The following IFT74 variants were observed in gnomAD, a reference collection of about 807,000 sequenced individuals.
The protein encoded by IFT74 is intraflagellar transport 74, also known as intraflagellar transport protein 74 homolog.
Under a neutral mutation model 96.7 loss-of-function variants are expected in IFT74, and 92 were observed. That is an observed-to-expected ratio of 0.95 (90% CI 0.80 to 1.13). IFT74 has a LOEUF of 1.13. Among genes scored for constraint, IFT74 ranks in the 50% most tolerant of loss-of-function variants. The pLI is 0.00. For missense variants in IFT74, 811 were observed against 698.2 expected, an observed-to-expected ratio of 1.16 and a Z score of -1.82; for synonymous variants, 223 against 213.2, an observed-to-expected ratio of 1.05 and a Z score of -0.40.
At chr9:27,020,962 C>T (rs1829572187) in intron 12 of IFT74, among the ~76,000 whole-genome samples, 2 of 152,120 alleles carry the variant, frequency 1.3e-5, no homozygotes, top group African/African-American at 4.8e-5. Flanking sequence ...TCCATTGTAT[C>T]ATTCTTATGC....
Position 26,948,448 on chromosome 9 carries a change from A to ATTTTTTTTTTTTT in IFT74, c.-20+1330_-20+1342dup, listed in dbSNP as rs71841244. On this transcript the variant is annotated intron_variant, in intron 1 of 19. Coordinates refer to the IFT74 transcript ENST00000433700. ...TGACAACCTGTGATGGCTTTCCATT[A>ATTTTTTTTTTTTT]TTTTTTTTTTTTTTTTTTTTTTTTT... is the stretch of plus-strand genomic sequence containing the variant. Among the ~76,000 whole-genome samples, 74 of 59,150 alleles carry ATTTTTTTTTTTTT rather than the reference A, an allele frequency of 1.3e-3. 13 individuals are homozygous for ATTTTTTTTTTTTT. Among genetic ancestry groups the ATTTTTTTTTTTTT allele is most frequent in the Non-Finnish European group, 2.0e-3 (51 of 26,072 alleles). The allele number at this position is 59,150 out of a possible 152,430, so 38.8% of individuals were successfully genotyped here. A position where few individuals can be genotyped will look rare whatever the true frequency, so the allele number is the denominator to read the frequency against.
intron 3 of IFT74, 36 bp from the exon 4 acceptor site, chr9:26,980,535 G>T (rs1310885062): frequency 2.1e-6 from 3 of 1,403,586 alleles, no homozygotes; most frequent in Middle Eastern, 1.8e-4. Flanking sequence ...GTGGCATTTC[G>T]AACTGAACAC....
chr9:27,018,816 G>T (rs1405126542), intron 12 of IFT74, 129 bp downstream of exon 12: 1 of 478,234 alleles, frequency 2.1e-6, no homozygotes, highest in Non-Finnish European at 3.8e-6. Context: ...GAGTGTTTAA[G>T]AGCCATTGCA....
At chr9:26,994,148 G>T (rs1432001894) in intron 8 of IFT74, 1 of 152,108 alleles carries the variant, frequency 6.6e-6, no homozygotes, top group Non-Finnish European at 1.5e-5. Flanking sequence ...TGAAAGAATG[G>T]GTTTTGTTGT....
intron 8 of IFT74, among the ~76,000 whole-genome samples, chr9:26,997,312 C>G (rs1294744613): frequency 6.7e-6 from 1 of 148,398 alleles, no homozygotes. Flanking sequence ...TTTGCTTAAA[C>G]AGAAATTGTT....
intron 1 of IFT74, among the ~76,000 whole-genome samples, chr9:26,960,914 A>G (rs1239847762): frequency 6.6e-6 from 1 of 151,554 alleles, no homozygotes; most frequent in Non-Finnish European, 1.5e-5. Context: ...TAGTATCTAG[A>G]TGGAAGTCAT....
intron 13 of IFT74, among the ~76,000 whole-genome samples, chr9:27,029,813 C>T (rs191040926): frequency 1.4e-3 from 220 of 152,120 alleles, no homozygotes; most frequent in African/African-American, 5.0e-3. Flanking sequence ...TAACTGGTAG[C>T]GTTAGAGGGG....
intron 8 of IFT74, among the ~76,000 whole-genome samples, chr9:27,000,288 G>A (rs1456714116): frequency 2.0e-5 from 3 of 152,070 alleles, no homozygotes; most frequent in Non-Finnish European, 4.4e-5. Context: ...CAATTTAAGT[G>A]GTTGTAAATT....
intron 13 of IFT74, among the ~76,000 whole-genome samples, chr9:27,033,155 CT>C (rs1830200377): frequency 6.6e-6 from 1 of 152,082 alleles, no homozygotes; most frequent in Non-Finnish European, 1.5e-5. Flanking sequence ...GAGCTTGAGT[CT>C]TTTCATTTAA....
At chr9:27,007,472 A>G (rs908581814) in intron 8 of IFT74, among the ~76,000 whole-genome samples, 4 of 152,216 alleles carry the variant, frequency 2.6e-5, no homozygotes, top group Admixed American at 2.0e-4. Flanking sequence ...TCATATACCT[A>G]TACAAATTGT....
intron 8 of IFT74, among the ~76,000 whole-genome samples, chr9:27,000,406 A>G (rs903332893): frequency 6.6e-6 from 1 of 152,168 alleles, no homozygotes; most frequent in Non-Finnish European, 1.5e-5. Flanking sequence ...AATTTTAGGC[A>G]TTATCTATTG....
In IFT74 at chr9:27,064,572, A is replaced by T. The variant is rs544736961; in HGVS notation, c.*1836A>T. The stretch of plus-strand genomic sequence containing the variant: ...TTATACAGTAACAAACAGAGGTATG[A>T]TTGAGCATAGAGTTTAGGCAAGAGA... On this transcript the variant is annotated 3_prime_UTR_variant, in exon 20 of 20. Transcript: ENST00000380062. Among the ~76,000 whole-genome samples, 512 of 152,218 alleles carry T rather than the reference A, an allele frequency of 3.4e-3. 4 individuals are homozygous for T. Among genetic ancestry groups the T allele is most frequent in the African/African-American group, 0.012 (492 of 41,566 alleles).
chr9:26,991,892 G>T (rs554670935), intron 8 of IFT74, among the ~76,000 whole-genome samples: 1 of 152,084 alleles, frequency 6.6e-6, no homozygotes, highest in African/African-American at 2.4e-5. Flanking sequence ...AGCTGGGCAT[G>T]GTGGCACGGG....
chr9:27,055,753 C>G lies in IFT74; in HGVS notation c.1478C>G (p.Ser493Ter), dbSNP rs1370374325. The change falls in exon 17 of 20, where the codon TCA (serine) becomes TGA (stop). Residue 493 changes from serine (S) to a stop codon, truncating the protein, a stop_gained. Transcript: ENST00000380062. LOFTEE classifies it high-confidence loss of function. ...IYNDLPALKS[S>*]GEEKIKKLHQ... ...AATGATTTGCCAGCTTTAAAATCAT[C>G]AGGTGAAGAAAAGATAAAGGTAAAT... 5 of 1,546,460 alleles carry G rather than the reference C, an allele frequency of 3.2e-6. No homozygotes were observed. Among genetic ancestry groups the G allele is most frequent in the Non-Finnish European group, 3.5e-6 (4 of 1,154,216 alleles).
At chr9:27,017,879 A>G (rs1829422522) in intron 11 of IFT74, among the ~76,000 whole-genome samples, 1 of 152,182 alleles carries the variant, frequency 6.6e-6, no homozygotes, top group Non-Finnish European at 1.5e-5. Context: ...TCCTAACTAT[A>G]AGGGCCTTAG....
At position 27,036,576 on chromosome 9, in the gene IFT74, C is replaced by T. The variant is rs991255727; in HGVS notation, c.1054+7472C>T. 3.8e-6 allele frequency: 6 copies of T among 1,589,468 alleles called. No homozygotes were observed. The African/African-American group carries it at 4.1e-5, about 11-fold the overall frequency. On this transcript the variant is annotated intron_variant, in intron 13 of 19. Coordinates refer to ENST00000380062, the MANE Select transcript of IFT74 (RefSeq NM_025103.4). ...GAACTGAAGAATACCCTGCTATAGC[C>T]TCCCATTGTTTCACAGATCTTCAGT...
intron 13 of IFT74, among the ~76,000 whole-genome samples, chr9:27,042,071 G>A (rs1819503444): frequency 6.6e-6 from 1 of 152,148 alleles, no homozygotes; most frequent in Non-Finnish European, 1.5e-5. Flanking sequence ...TGAATGGATG[G>A]TAAGGACAGC....
intron 13 of IFT74, among the ~76,000 whole-genome samples, chr9:27,043,406 A>G (rs1587405691): frequency 6.6e-6 from 1 of 152,346 alleles, no homozygotes; most frequent in Admixed American, 6.5e-5. Context: ...CCAAGCAAGT[A>G]TATGCACAGA....
chr9:26,947,248 G>A (rs931096845), intron 1 of IFT74: 20 of 572,350 alleles, frequency 3.5e-5, no homozygotes, highest in East Asian at 6.6e-5. Context: ...AGCCTGACAG[G>A]CACTCCGGAA....
Sources: gnomAD v4.1 joint callset for allele counts (sites outside exome capture counted in the v4.1 genomes callset) on GRCh38, gnomAD v4.1.1 for gene constraint, MANE v1.5 for transcripts, NCBI Gene and HGNC (gene_info 2026-07-23, HGNC 2026-07-21) for gene names.